The following MDGA2 variants were observed in gnomAD, a reference collection of about 807,000 sequenced individuals.
The protein encoded by MDGA2 is MAM domain containing glycosylphosphatidylinositol anchor 2.
Under a neutral mutation model 117.8 loss-of-function variants are expected in MDGA2, and 40 were observed. That is an observed-to-expected ratio of 0.34 (90% CI 0.26 to 0.44). MDGA2 has a LOEUF of 0.44. MDGA2 is among the 20% of genes least tolerant of loss of function. The pLI is 1.00. For missense variants in MDGA2, 1,123 were observed against 1,250.6 expected, an observed-to-expected ratio of 0.90 and a Z score of 1.54; for synonymous variants, 452 against 439.0, an observed-to-expected ratio of 1.03 and a Z score of -0.37.
At chr14:47,612,526 T>C (rs893359160) in intron 1 of MDGA2, among the ~76,000 whole-genome samples, 1 of 152,190 alleles carries the variant, frequency 6.6e-6, no homozygotes, top group Non-Finnish European at 1.5e-5. Context: ...AGAACCTCCG[T>C]CATCTCAATT....
chr14:47,077,779 G>T (rs141121610), intron 6 of MDGA2, among the ~76,000 whole-genome samples: 2 of 151,464 alleles, frequency 1.3e-5, no homozygotes, highest in Non-Finnish European at 2.9e-5. Flanking sequence ...TAAACATTAC[G>T]GCAACCAAAA....
intron 1 of MDGA2, among the ~76,000 whole-genome samples, chr14:47,667,940 T>C (rs1898006094): frequency 6.6e-6 from 1 of 152,236 alleles, no homozygotes; most frequent in African/African-American, 2.4e-5. Flanking sequence ...GGTTCCTGTT[T>C]ATGCAAAGTT....
At chr14:47,614,215 G>A (rs1209957979) in intron 1 of MDGA2, among the ~76,000 whole-genome samples, 13 of 148,618 alleles carry the variant, frequency 8.7e-5, no homozygotes, top group Non-Finnish European at 3.0e-5. Context: ...TCAGCCTCCC[G>A]AGTAGCTTGG....
chr14:47,378,994 C>A (rs1891545587), intron 1 of MDGA2, among the ~76,000 whole-genome samples: 1 of 152,158 alleles, frequency 6.6e-6, no homozygotes, highest in Non-Finnish European at 1.5e-5. Flanking sequence ...CAAAGGGAAG[C>A]CCATCAGACT....
chr14:47,151,443 T>C (rs1053886767), intron 3 of MDGA2, among the ~76,000 whole-genome samples: 4 of 152,218 alleles, frequency 2.6e-5, no homozygotes, highest in African/African-American at 9.6e-5. Context: ...TTGAAGTTAC[T>C]ATTCATAATT....
chr14:47,362,259 T>C (rs1891141827), intron 1 of MDGA2, among the ~76,000 whole-genome samples: 1 of 152,270 alleles, frequency 6.6e-6, no homozygotes, highest in South Asian at 2.1e-4. Context: ...CAAAGAAGAC[T>C]CCTCTCCACA....
chr14:47,181,304 A>G (rs930721348), intron 3 of MDGA2, among the ~76,000 whole-genome samples: 18 of 151,252 alleles, frequency 1.2e-4, no homozygotes, highest in African/African-American at 4.4e-4. Flanking sequence ...TCATTGTTCC[A>G]CTCCTATTTA....
chr14:46,916,888 A>G (rs1361927697), intron 10 of MDGA2, among the ~76,000 whole-genome samples: 2 of 152,226 alleles, frequency 1.3e-5, no homozygotes, highest in East Asian at 3.8e-4. Context: ...AATCCTAAGA[A>G]CAAAGGAGTA....
At position 46,841,260 on chromosome 14, in the gene MDGA2, T is replaced by C. The variant is rs1880598710; in HGVS notation, c.*671A>G. On this transcript the variant is annotated 3_prime_UTR_variant, in exon 17 of 17. Transcript: ENST00000399232. Reference sequence around the variant, plus strand: ...CCAGGTTTACCATCCTGGATAGTAGTGCATGCAAAAAGAGACAGCATACAG... The same window carrying C: ...CCAGGTTTACCATCCTGGATAGTAGCGCATGCAAAAAGAGACAGCATACAG... 1 of 152,406 alleles carries C rather than the reference T, an allele frequency of 6.6e-6. No individual in the cohort carries two copies. The highest frequency in any genetic ancestry group is 6.6e-5 in the Admixed American group (1 of 15,234). 9.4% of individuals were successfully genotyped at this position (152,406 alleles called of 1,614,324 possible).
chr14:47,576,514 A>G (rs1289828308), intron 1 of MDGA2, among the ~76,000 whole-genome samples: 5 of 152,166 alleles, frequency 3.3e-5, no homozygotes, highest in African/African-American at 9.6e-5. Flanking sequence ...CCAGTGTTCA[A>G]TCTCCAAAGT....
chr14:47,374,468 C>G (rs1891432722), intron 1 of MDGA2, among the ~76,000 whole-genome samples: 1 of 152,022 alleles, frequency 6.6e-6, no homozygotes, highest in East Asian at 1.9e-4. Flanking sequence ...AGGCAGGGCT[C>G]CTGATACTCT....
Position 47,668,666 on chromosome 14 carries a change from T to C in MDGA2, c.280+5851A>G, listed in dbSNP as rs371845213. Among the ~76,000 whole-genome samples, 4 of 152,344 alleles carry C rather than the reference T, an allele frequency of 2.6e-5. No individual in the cohort carries two copies. In the East Asian group the frequency reaches 5.8e-4, roughly 22 times the overall value. ...AAACAAAAGTTATTTTGTGGGACCA[T>C]TAAGTTAATGTCAATTACAAAGAAG... On this transcript the variant is annotated intron_variant, in intron 1 of 16. Transcript: ENST00000399232.
At chr14:47,348,347 G>C (rs1890805906) in intron 1 of MDGA2, among the ~76,000 whole-genome samples, 1 of 151,882 alleles carries the variant, frequency 6.6e-6, no homozygotes, top group Non-Finnish European at 1.5e-5. Flanking sequence ...GAGTAGCTGA[G>C]ATTACAGGCG....
At chr14:46,968,453 T>C (rs1487624584) in intron 8 of MDGA2, among the ~76,000 whole-genome samples, 1 of 152,104 alleles carries the variant, frequency 6.6e-6, no homozygotes. Context: ...AAAAAGCATC[T>C]ACATTAAAAA....
chr14:47,006,282 T>G (rs1887705892), intron 8 of MDGA2, among the ~76,000 whole-genome samples: 1 of 150,702 alleles, frequency 6.6e-6, no homozygotes, highest in Non-Finnish European at 1.5e-5. Flanking sequence ...CAGAATCTTG[T>G]GGTATTAATG....
At chr14:47,282,050 G>GGA (rs1566718348) in intron 2 of MDGA2, among the ~76,000 whole-genome samples, 2 of 124,218 alleles carry the variant, frequency 1.6e-5, no homozygotes, top group Non-Finnish European at 3.4e-5. Context: ...TCCGTCTCGG[G>GGA]AAAAAAAAAA....
At chr14:47,290,122 C>T (rs1447998461) in intron 2 of MDGA2, among the ~76,000 whole-genome samples, 3 of 117,828 alleles carry the variant, frequency 2.5e-5, no homozygotes, top group African/African-American at 8.7e-5. Flanking sequence ...GAAAATATAG[C>T]CCTATACTGC....
intron 10 of MDGA2, among the ~76,000 whole-genome samples, chr14:46,887,534 T>C (rs377570402): frequency 1.0e-3 from 152 of 152,146 alleles, no homozygotes; most frequent in African/African-American, 3.5e-3. Flanking sequence ...TATTTTTAAC[T>C]GGCCTCCAAG....
chr14:47,162,109 C>T, intron 3 of MDGA2, among the ~76,000 whole-genome samples: 1 of 151,792 alleles, frequency 6.6e-6, no homozygotes, highest in Non-Finnish European at 1.5e-5. Context: ...CCACGCCCAG[C>T]TAGTTTTTTG....
Sources: gnomAD v4.1 joint callset for allele counts (sites outside exome capture counted in the v4.1 genomes callset) on GRCh38, gnomAD v4.1.1 for gene constraint, MANE v1.5 for transcripts, NCBI Gene and HGNC (gene_info 2026-07-23, HGNC 2026-07-21) for gene names.